The following CNOT1 variants were observed in gnomAD, a reference collection of about 807,000 sequenced individuals.
CNOT1 encodes the protein CCR4-NOT transcription complex subunit 1, also known as CCR4-associated factor 1.
CNOT1 carries 15 observed loss-of-function variants against 273.8 expected under a neutral mutation model. The observed-to-expected ratio is 0.05, with a 90% confidence interval of 0.04 to 0.08. The LOEUF (loss-of-function observed/expected upper bound fraction) is 0.08, where lower values mean the gene tolerates loss of function less well. Among genes scored for constraint, CNOT1 ranks in the 10% least tolerant of loss-of-function variants. The pLI is 1.00. For missense variants in CNOT1, 1,644 were observed against 2,912.2 expected, an observed-to-expected ratio of 0.56 and a Z score of 10.02; for synonymous variants, 1,022 against 1,005.5, an observed-to-expected ratio of 1.02 and a Z score of -0.31.
In CNOT1 at chr16:58,560,326, G is replaced by A. The variant is rs1205201609; in HGVS notation, c.2016C>T (p.Thr672=). 1 of 1,614,116 alleles carries A rather than the reference G, an allele frequency of 6.2e-7. No individual in the cohort carries two copies. The highest frequency in any genetic ancestry group is 2.2e-5 in the East Asian group (1 of 44,876). ...TAACATTACTGCAATTGGCTACCAT[G>A]GTGAGGATAGTTTCTGATAGCTCCT... ...VSQELSETIL[T]MVANCSNVMN... Residue 672 remains threonine, a synonymous_variant, in exon 17 of 49, where the codon ACC becomes ACT. Transcript: ENST00000317147.
rs2040306508 is a variant in CNOT1 at position 58,547,766 on chromosome 16, T to C, written c.3523-84A>G. The C allele has an allele frequency of 8.4e-6, 11 of 1,312,448 alleles. No homozygotes were observed. In the South Asian group the frequency reaches 1.2e-4, roughly 14 times the overall value. 81.3% of individuals were successfully genotyped at this position (1,312,448 alleles called of 1,614,324 possible). A position where few individuals can be genotyped will look rare whatever the true frequency, so the allele number is the denominator to read the frequency against. On this transcript the variant is annotated intron_variant, in intron 25 of 48. Coordinates refer to ENST00000317147, the MANE Select transcript of CNOT1 (RefSeq NM_016284.5). The surrounding 1 kb of genome is among the most constrained non-coding windows in gnomAD (Gnocchi z 4.0). The stretch of plus-strand genomic sequence containing the variant: ...TAAGTATTTGAGAATTCCATTATCC[T>C]ATCCTAAAGACAAGTCATCATTTCT...
intron 45 of CNOT1, 114 bp from the exon 46 acceptor site, chr16:58,525,473 G>C: frequency 1.2e-6 from 1 of 824,294 alleles, no homozygotes. Context: ...CATTTATTGT[G>C]ATTCACTTGC....
chr16:58,573,350 T>TA (rs2041345588), intron 16 of CNOT1, among the ~76,000 whole-genome samples: 1 of 151,512 alleles, frequency 6.6e-6, no homozygotes, highest in African/African-American at 2.4e-5. Flanking sequence ...ATTAAAGACC[T>TA]AAATAAGTAG....
chr16:58,560,811 G>C (rs1213219712), intron 16 of CNOT1, among the ~76,000 whole-genome samples: 1 of 152,164 alleles, frequency 6.6e-6, no homozygotes, highest in East Asian at 1.9e-4. Flanking sequence ...TATTGCCTGA[G>C]GTCAGGAGTT....
rs2040589904 is a variant in CNOT1, at chr16:58,555,123, A to G, written c.2891+128T>C. ...CTCAGGAGGCTGAAGTGGGAGAATC[A>G]CTTGAGCCCGCAAGGTCAAGGCTGC... is the stretch of plus-strand genomic sequence containing the variant. On this transcript the variant is annotated intron_variant, in intron 21 of 48. Coordinates refer to ENST00000317147, the MANE Select transcript of CNOT1 (RefSeq NM_016284.5). 7.4e-6 allele frequency: 10 copies of G among 1,347,144 alleles called. No homozygotes were observed. In the Admixed American group the frequency reaches 9.6e-5, roughly 13 times the overall value. The allele number at this position is 1,347,144 out of a possible 1,614,324, so 83.4% of individuals were successfully genotyped here. A position where few individuals can be genotyped will look rare whatever the true frequency, so the allele number is the denominator to read the frequency against.
intron 1 of CNOT1, among the ~76,000 whole-genome samples, chr16:58,627,793 A>G (rs2043647325): frequency 6.6e-6 from 1 of 152,164 alleles, no homozygotes; most frequent in African/African-American, 2.4e-5. Flanking sequence ...AGAAAAGGAA[A>G]TATTTTCAGT....
At chr16:58,540,305 G>A (rs966271364) in intron 34 of CNOT1, among the ~76,000 whole-genome samples, 1 of 152,200 alleles carries the variant, frequency 6.6e-6, no homozygotes, top group Non-Finnish European at 1.5e-5. Context: ...TCCTAAGAAA[G>A]TAAGTGTTTC....
chr16:58,543,922 C>T lies in CNOT1; in HGVS notation c.4138-19G>A, dbSNP rs1418758133. ...AGGGAATCTGGGGGGTTGGGGAGGACAAAGTCAACACCTTGTTTAAATAAG... is the reference window on the plus strand; with the variant it reads ...AGGGAATCTGGGGGGTTGGGGAGGATAAAGTCAACACCTTGTTTAAATAAG... On this transcript the variant is annotated intron_variant, in intron 30 of 48. Transcript: ENST00000317147. 5.7e-6 allele frequency: 9 copies of T among 1,578,490 alleles called. No individual in the cohort carries two copies. Among genetic ancestry groups the T allele is most frequent in the Non-Finnish European group, 7.8e-6 (9 of 1,160,636 alleles).
intron 1 of CNOT1, among the ~76,000 whole-genome samples, chr16:58,606,504 T>C (rs563045761): frequency 2.0e-5 from 3 of 152,108 alleles, no homozygotes; most frequent in East Asian, 1.9e-4. Context: ...AATAAATGAG[T>C]GTAAAGATTA....
At position 58,525,281 on chromosome 16, in the gene CNOT1, C is replaced by A; in HGVS notation, c.6682G>T (p.Ala2228Ser). 6.2e-7 allele frequency: 1 copy of A among 1,613,970 alleles called. No homozygotes were observed. Among genetic ancestry groups the A allele is most frequent in the Non-Finnish European group, 8.5e-7 (1 of 1,180,036 alleles). ...GTGCTGCCCTTGTTGTGGATGTGCG[C>A]AATGGCCTGAGTCCCGACATAGAGC... ...LVLYVGTQAI[A>S]HIHNKGSTPS... is the part of the protein sequence containing the mutation. The change falls in exon 46 of 49, where the codon GCG becomes TCG. Residue 2228 changes from alanine (A) to serine (S), a missense_variant. This residue lies in a region of CNOT1 where 140 missense variants were observed against 324.6 expected (regional missense o/e 0.43). Coordinates refer to ENST00000317147, the MANE Select transcript of CNOT1 (RefSeq NM_016284.5).
chr16:58,599,658 C>T (rs114987005), intron 1 of CNOT1, 147 bp from the exon 2 acceptor site: 4 of 432,694 alleles, frequency 9.2e-6, no homozygotes, highest in African/African-American at 4.0e-5. Context: ...AAACTACCAT[C>T]GTCTCTGTGT....
chr16:58,557,847 T>C (rs955972144), intron 18 of CNOT1, among the ~76,000 whole-genome samples: 1 of 151,708 alleles, frequency 6.6e-6, no homozygotes, highest in African/African-American at 2.4e-5. Context: ...AAAATTAGCA[T>C]GGCATGGTGG....
intron 10 of CNOT1, 151 bp from the exon 11 acceptor site, chr16:58,581,666 C>CTT: frequency 6.4e-5 from 75 of 1,168,902 alleles, no homozygotes; most frequent in Admixed American, 1.4e-4. Flanking sequence ...CTTTTTTTTT[C>CTT]TTTTTTTTTT....
At chr16:58,534,050 C>G in intron 40 of CNOT1, 97 bp downstream of exon 40, 1 of 1,192,108 alleles carries the variant, frequency 8.4e-7, no homozygotes, top group Non-Finnish European at 1.0e-6. Flanking sequence ...GAGTGAGACT[C>G]TCTCAAAGAA....
chr16:58,600,991 GTTGC>G (rs1242042248), intron 1 of CNOT1, among the ~76,000 whole-genome samples: 1 of 152,150 alleles, frequency 6.6e-6, no homozygotes, highest in African/African-American at 2.4e-5. Flanking sequence ...TTTCACTCTT[GTTGC>G]CGAGGCTGGA....
At chr16:58,521,514 G>A (rs1314193953) in intron 47 of CNOT1, among the ~76,000 whole-genome samples, 197 bp from the exon 48 acceptor site, 7 of 152,154 alleles carry the variant, frequency 4.6e-5, no homozygotes, top group African/African-American at 1.7e-4. Context: ...GCTCTTAGCC[G>A]TAGAAGACTA....
chr16:58,524,164 C>T (rs1434175339), intron 46 of CNOT1, among the ~76,000 whole-genome samples: 2 of 149,944 alleles, frequency 1.3e-5, no homozygotes, highest in Non-Finnish European at 3.0e-5. Flanking sequence ...GCAGGAGAAT[C>T]GCTTGAACCC....
chr16:58,595,853 A>T (rs796555829), intron 2 of CNOT1, among the ~76,000 whole-genome samples: 4 of 152,326 alleles, frequency 2.6e-5, no homozygotes, highest in African/African-American at 9.6e-5. Flanking sequence ...AGAATTTCTA[A>T]AACAGGAATG....
chr16:58,628,442 A>G (rs1051065989), intron 1 of CNOT1, among the ~76,000 whole-genome samples: 6 of 152,162 alleles, frequency 3.9e-5, no homozygotes, highest in African/African-American at 1.4e-4. Context: ...ATAGAAAAAA[A>G]TTGTTCTTAA....
Sources: gnomAD v4.1 joint callset for allele counts (sites outside exome capture counted in the v4.1 genomes callset) on GRCh38, gnomAD v4.1.1 for gene constraint, gnomAD v4.1.1 regional missense constraint, Gnocchi (gnomAD v3.1) non-coding constraint, MANE v1.5 for transcripts, NCBI Gene and HGNC (gene_info 2026-07-23, HGNC 2026-07-21) for gene names.